MME: variants seen among roughly 807,000 people sequenced by gnomAD.
The protein encoded by MME is membrane metalloendopeptidase, also known as neprilysin.
In MME, 98 loss-of-function variants were observed where a neutral mutation model predicts 113.2. The ratio of observed to expected loss-of-function variants is 0.87; its 90% CI spans 0.74 to 1.02. The LOEUF (loss-of-function observed/expected upper bound fraction) is 1.02. Ranked by LOEUF, MME falls within the 50% of genes least tolerant of loss-of-function variation. The pLI, the probability that MME is intolerant of heterozygous loss-of-function variation, is 0.00. For missense variants in MME, 836 were observed against 896.0 expected, an observed-to-expected ratio of 0.93 and a Z score of 0.86; for synonymous variants, 292 against 300.6, an observed-to-expected ratio of 0.97 and a Z score of 0.30.
intron 1 of MME, among the ~76,000 whole-genome samples, chr3:155,042,936 A>T (rs190380633): frequency 2.6e-5 from 1 of 38,944 alleles, no homozygotes; most frequent in Non-Finnish European, 4.2e-5. Context: ...ATATATATAT[A>T]TATGTATATA....
At chr3:155,135,614 T>A (rs965382547) in intron 8 of MME, among the ~76,000 whole-genome samples, 1 of 152,156 alleles carries the variant, frequency 6.6e-6, no homozygotes, top group African/African-American at 2.4e-5. Flanking sequence ...CTTTGGCCAT[T>A]TGGGCTCTTT....
intron 8 of MME, among the ~76,000 whole-genome samples, chr3:155,129,171 G>T (rs1719939564): frequency 6.6e-6 from 1 of 152,142 alleles, no homozygotes; most frequent in African/African-American, 2.4e-5. Flanking sequence ...TGGCTTCCTT[G>T]CCCGTCGCTT....
chr3:155,051,269 A>G lies in MME; in HGVS notation c.-11+26945A>G, dbSNP rs148565509. Among the ~76,000 whole-genome samples, 315 of 152,314 alleles carry G rather than the reference A, an allele frequency of 2.1e-3. 1 individual carries two copies. The highest frequency in any genetic ancestry group is 7.3e-3 in the African/African-American group (305 of 41,574). On this transcript the variant is annotated intron_variant, in intron 1 of 22. Transcript: ENST00000492661. Reference sequence around the variant, plus strand: ...AGAAGCCAAAAATTTAGATGACATTATTCAAGAAAATGTCTGTAGAGGACT... The same window carrying G: ...AGAAGCCAAAAATTTAGATGACATTGTTCAAGAAAATGTCTGTAGAGGACT...
intron 1 of MME, among the ~76,000 whole-genome samples, chr3:155,043,368 G>A (rs2108122469): frequency 6.8e-6 from 1 of 146,042 alleles, no homozygotes; most frequent in African/African-American, 2.5e-5. Flanking sequence ...TTTCTCTCTT[G>A]TTGCCCAGGC....
chr3:155,057,954 T>G (rs540295428), intron 1 of MME, among the ~76,000 whole-genome samples: 16 of 152,278 alleles, frequency 1.1e-4, no homozygotes, highest in Non-Finnish European at 2.2e-4. Context: ...TGTTTTAAAC[T>G]TATTATTTAT....
At chr3:155,139,960 T>A (rs993131581) in intron 9 of MME, among the ~76,000 whole-genome samples, 5 of 152,162 alleles carry the variant, frequency 3.3e-5, no homozygotes, top group African/African-American at 7.2e-5. Context: ...ACAGATTTTT[T>A]AAAAATTTTA....
At chr3:155,046,401 T>C (rs1236721706) in intron 1 of MME, among the ~76,000 whole-genome samples, 2 of 152,170 alleles carry the variant, frequency 1.3e-5, no homozygotes, top group Non-Finnish European at 2.9e-5. Context: ...AAATTTCCCA[T>C]TGCTGGCCGG....
At chr3:155,156,139 T>C (rs758360494) in intron 16 of MME, among the ~76,000 whole-genome samples, 5 of 152,178 alleles carry the variant, frequency 3.3e-5, no homozygotes, top group Non-Finnish European at 5.9e-5. Flanking sequence ...GTTACACTTA[T>C]GGATCATTGG....
At chr3:155,038,166 C>T (rs34860880) in intron 1 of MME, among the ~76,000 whole-genome samples, 6,618 of 152,076 alleles carry the variant, frequency 0.044, 159 homozygotes, top group African/African-American at 0.053. Flanking sequence ...TGTCACCTCA[C>T]CTATATCAGA....
intron 1 of MME, among the ~76,000 whole-genome samples, chr3:155,061,232 C>T (rs558426322): frequency 1.6e-4 from 25 of 152,208 alleles, no homozygotes; most frequent in African/African-American, 5.5e-4. Flanking sequence ...GTGGGCAGAT[C>T]ACGAGGTCTG....
At chr3:155,134,815 T>C (rs145443879) in intron 8 of MME, among the ~76,000 whole-genome samples, 25 of 152,328 alleles carry the variant, frequency 1.6e-4, no homozygotes, top group African/African-American at 5.8e-4. Flanking sequence ...TTTTGACTTT[T>C]GATAATAGCC....
rs116157493 is a variant in MME at position 155,166,199 on chromosome 3, T to C, written c.1661-703T>C. 2.9e-3 allele frequency among the ~76,000 whole-genome samples: 435 copies of C among 152,188 alleles called. 3 individuals are homozygous for C. Among genetic ancestry groups the C allele is most frequent in the African/African-American group, 9.7e-3 (403 of 41,530 alleles). On this transcript the variant is annotated intron_variant, in intron 17 of 22. Coordinates refer to ENST00000360490, the MANE Select transcript of MME (RefSeq NM_007289.4). ...TTAGATAATGAACTAGAAAAATGTA[T>C]GAAATTAAAAAATAAACAAATATAT... is the stretch of plus-strand genomic sequence containing the variant.
chr3:155,145,387 C>CTTGTAGGGTGT (rs1721425595), intron 14 of MME, among the ~76,000 whole-genome samples: 1 of 152,066 alleles, frequency 6.6e-6, no homozygotes, highest in African/African-American at 2.4e-5. Flanking sequence ...GAAGGCTTCC[C>CTTGTAGGGTGT]TCATCTCACC....
intron 8 of MME, among the ~76,000 whole-genome samples, chr3:155,130,657 G>T (rs1369408451): frequency 6.6e-6 from 1 of 152,074 alleles, no homozygotes; most frequent in Non-Finnish European, 1.5e-5. Context: ...TATGTACCTG[G>T]GAAAGAACAC....
chr3:155,043,502 A>G (rs1713432623), intron 1 of MME, among the ~76,000 whole-genome samples: 1 of 151,396 alleles, frequency 6.6e-6, no homozygotes, highest in Non-Finnish European at 1.5e-5. Flanking sequence ...CCGGCCAATT[A>G]TGTATTTTTA....
intron 3 of MME, among the ~76,000 whole-genome samples, chr3:155,097,772 G>T (rs891208498): frequency 1.3e-5 from 2 of 152,116 alleles, no homozygotes; most frequent in Non-Finnish European, 2.9e-5. Context: ...AAAAATCTCC[G>T]CCTGGGAGTG....
rs1324331482 is a variant in MME, at chr3:155,116,773, C to T, written c.535+14C>T. The T allele has an allele frequency of 6.2e-7, 1 of 1,606,396 alleles. No homozygotes were observed. The highest frequency in any genetic ancestry group is 1.7e-4 in the Middle Eastern group (1 of 6,038). On this transcript the variant is annotated intron_variant, in intron 6 of 22. Transcript: ENST00000360490. ...AGCAAAAATATGGTAAGGCAATTTTCCTACTAAAAAAGAAATTTCCATGTA... is the reference window on the plus strand; with the variant it reads ...AGCAAAAATATGGTAAGGCAATTTTTCTACTAAAAAAGAAATTTCCATGTA...
At chr3:155,045,260 C>A (rs1216576844) in intron 1 of MME, among the ~76,000 whole-genome samples, 2 of 151,978 alleles carry the variant, frequency 1.3e-5, no homozygotes, top group African/African-American at 2.4e-5. Context: ...AGACGATTCC[C>A]CTGCCTCAGC....
At chr3:155,039,458 C>G (rs1713234105) in intron 1 of MME, among the ~76,000 whole-genome samples, 1 of 152,154 alleles carries the variant, frequency 6.6e-6, no homozygotes, top group Non-Finnish European at 1.5e-5. Context: ...GCAAATTTAA[C>G]TGAGATTCAG....
Sources: allele counts gnomAD v4.1 joint callset (sites outside exome capture counted in the v4.1 genomes callset), GRCh38; gene constraint gnomAD v4.1.1; transcripts MANE v1.5; gene names NCBI Gene and HGNC (gene_info 2026-07-23, HGNC 2026-07-21).